The following NLGN1 variants were observed in gnomAD, a reference collection of about 807,000 sequenced individuals.
The protein encoded by NLGN1 is neuroligin 1.
Under a neutral mutation model 65.5 loss-of-function variants are expected in NLGN1, and 12 were observed. The observed-to-expected ratio is 0.18, with a 90% confidence interval of 0.12 to 0.30. NLGN1 has a LOEUF of 0.30. Among genes scored for constraint, NLGN1 ranks in the 10% least tolerant of loss-of-function variants. NLGN1 has a pLI of 1.00. For missense variants in NLGN1, 750 were observed against 1,007.1 expected, an observed-to-expected ratio of 0.74 and a Z score of 3.46; for synonymous variants, 350 against 359.5, an observed-to-expected ratio of 0.97 and a Z score of 0.30.
chr3:173,505,036 G>T (rs1027204419), intron 2 of NLGN1, among the ~76,000 whole-genome samples: 2 of 151,934 alleles, frequency 1.3e-5, no homozygotes, highest in East Asian at 3.9e-4. Context: ...AACAAAATAT[G>T]CCCTTCCCCC....
At chr3:173,532,010 C>T (rs1736654377) in intron 2 of NLGN1, among the ~76,000 whole-genome samples, 1 of 152,128 alleles carries the variant, frequency 6.6e-6, no homozygotes, top group Non-Finnish European at 1.5e-5. Context: ...GCCTTTCACT[C>T]ATTGCTTCAA....
rs901895945 is a variant in NLGN1 at position 174,169,863 on chromosome 3, C to T, written c.647-105452C>T. Among the ~76,000 whole-genome samples, 3 of 152,208 alleles carry T rather than the reference C, an allele frequency of 2.0e-5. No homozygotes were observed. The South Asian group carries it at 6.2e-4, about 32-fold the overall frequency. On this transcript the variant is annotated intron_variant, in intron 4 of 6. Transcript: ENST00000457714. ...TCTGGGGAAATGTCTGCAGCTTTTC[C>T]CAGTGTCTTTCCCTCACAGCATTTT...
intron 2 of NLGN1, among the ~76,000 whole-genome samples, chr3:173,469,383 C>A (rs770113931): frequency 5.3e-5 from 8 of 152,176 alleles, no homozygotes; most frequent in Non-Finnish European, 8.8e-5. Context: ...TCTCCTACTC[C>A]AAGTTACACT....
At chr3:173,922,165 AT>A (rs906555489) in intron 4 of NLGN1, among the ~76,000 whole-genome samples, 5 of 152,076 alleles carry the variant, frequency 3.3e-5, no homozygotes, top group Non-Finnish European at 2.9e-5. Context: ...AGAAATCTAT[AT>A]TTTTTTATGA....
At chr3:173,824,701 T>A (rs943409291) in intron 4 of NLGN1, among the ~76,000 whole-genome samples, 1 of 152,130 alleles carries the variant, frequency 6.6e-6, no homozygotes, top group African/African-American at 2.4e-5. Flanking sequence ...GTTTTGCTAT[T>A]TTTCTCCAAC....
At chr3:174,198,747 A>G (rs180971217) in intron 4 of NLGN1, among the ~76,000 whole-genome samples, 71 of 149,652 alleles carry the variant, frequency 4.7e-4, no homozygotes, top group African/African-American at 1.7e-3. Flanking sequence ...ACTGAACCGT[A>G]TTTATCTGAG....
chr3:173,518,685 A>G (rs916527595), intron 2 of NLGN1, among the ~76,000 whole-genome samples: 4 of 151,926 alleles, frequency 2.6e-5, no homozygotes, highest in Admixed American at 1.3e-4. Context: ...CTAACAACCT[A>G]TGCTCATATG....
intron 2 of NLGN1, among the ~76,000 whole-genome samples, chr3:173,541,327 G>A (rs1448090228): frequency 2.6e-5 from 4 of 152,060 alleles, no homozygotes; most frequent in Admixed American, 2.0e-4. Flanking sequence ...TGTCATTATT[G>A]TAATAATAAC....
At chr3:173,455,768 A>C (rs565799800) in intron 2 of NLGN1, among the ~76,000 whole-genome samples, 1 of 152,116 alleles carries the variant, frequency 6.6e-6, no homozygotes, top group Admixed American at 6.5e-5. Context: ...GTGTATATAT[A>C]TATGTTTATA....
At chr3:173,820,481 ATCC>A (rs1350663761) in intron 4 of NLGN1, among the ~76,000 whole-genome samples, 1 of 152,130 alleles carries the variant, frequency 6.6e-6, no homozygotes, top group Non-Finnish European at 1.5e-5. Context: ...ATCCCCCCTT[ATCC>A]ACAAGGGATA....
At chr3:173,690,203 G>A (rs888682618) in intron 3 of NLGN1, among the ~76,000 whole-genome samples, 5 of 152,208 alleles carry the variant, frequency 3.3e-5, no homozygotes, top group South Asian at 2.1e-4. Flanking sequence ...AGGTTAGAAC[G>A]GCTTGTATTA....
intron 4 of NLGN1, among the ~76,000 whole-genome samples, chr3:174,062,047 C>CT (rs1737527339): frequency 6.6e-6 from 1 of 151,948 alleles, no homozygotes. Flanking sequence ...CATGTGAATG[C>CT]TTGGGGGGGA....
chr3:173,999,826 A>C (rs572624996), intron 4 of NLGN1, among the ~76,000 whole-genome samples: 3 of 152,306 alleles, frequency 2.0e-5, no homozygotes, highest in Non-Finnish European at 2.9e-5. Context: ...TTGAAGAGTG[A>C]AAACATGTTA....
intron 4 of NLGN1, among the ~76,000 whole-genome samples, chr3:173,862,012 G>T (rs941831541): frequency 7.3e-5 from 11 of 151,426 alleles, no homozygotes; most frequent in African/African-American, 2.7e-4. Context: ...CAGGTGATCC[G>T]CCTGCCTCAG....
intron 5 of NLGN1, among the ~76,000 whole-genome samples, chr3:174,275,959 C>A (rs532972233): frequency 6.6e-6 from 1 of 151,790 alleles, no homozygotes; most frequent in East Asian, 1.9e-4. Flanking sequence ...GCTAACGAAG[C>A]GGTCATAAGC....
chr3:173,422,529 T>A (rs1187214580), intron 1 of NLGN1, among the ~76,000 whole-genome samples: 1 of 152,206 alleles, frequency 6.6e-6, no homozygotes, highest in East Asian at 1.9e-4. Flanking sequence ...TTATTTTTGT[T>A]TTTTTGAGGA....
chr3:173,705,355 G>A (rs1233347995), intron 3 of NLGN1, among the ~76,000 whole-genome samples: 1 of 152,076 alleles, frequency 6.6e-6, no homozygotes, highest in Non-Finnish European at 1.5e-5. Context: ...GTACTGAGAT[G>A]TTTATTTTCT....
chr3:173,758,937 CTTG>C (rs1396897501), intron 3 of NLGN1, among the ~76,000 whole-genome samples: 1 of 151,854 alleles, frequency 6.6e-6, no homozygotes, highest in Non-Finnish European at 1.5e-5. Flanking sequence ...CACTGGGAGC[CTTG>C]TTGGTGCATG....
chr3:173,976,092 A>G (rs1287949172), intron 4 of NLGN1, among the ~76,000 whole-genome samples: 2 of 152,092 alleles, frequency 1.3e-5, no homozygotes, highest in African/African-American at 4.8e-5. Context: ...TGGAGATAAC[A>G]TAAATATTCT....
Sources: allele counts gnomAD v4.1 joint callset (sites outside exome capture counted in the v4.1 genomes callset), GRCh38; gene constraint gnomAD v4.1.1; transcripts MANE v1.5; gene names NCBI Gene and HGNC (gene_info 2026-07-23, HGNC 2026-07-21).